Variants in KCNT2 observed in about 807,000 individuals in gnomAD.
The protein encoded by KCNT2 is potassium channel subfamily T member 2.
KCNT2 carries 67 observed loss-of-function variants against 153.8 expected under a neutral mutation model. That is an observed-to-expected ratio of 0.44 (90% CI 0.36 to 0.53). The LOEUF (loss-of-function observed/expected upper bound fraction) is 0.53. Ranked by LOEUF, KCNT2 falls within the 20% of genes least tolerant of loss-of-function variation. KCNT2 has a pLI of 0.00. For missense variants in KCNT2, 975 were observed against 1,354.8 expected (o/e 0.72, Z 4.40); for synonymous variants, 500 against 458.8 (o/e 1.09, Z -1.15).
At chr1:196,462,248 A>G (rs1677215696) in intron 8 of KCNT2, among the ~76,000 whole-genome samples, 1 of 151,642 alleles carries the variant, frequency 6.6e-6, no homozygotes, top group Non-Finnish European at 1.5e-5. Context: ...TTACACTAAG[A>G]TCAAATTTTA....
intron 14 of KCNT2, among the ~76,000 whole-genome samples, chr1:196,349,288 A>G (rs1017303456): frequency 6.6e-6 from 1 of 152,126 alleles, no homozygotes; most frequent in South Asian, 2.1e-4. Context: ...TCCCATTCCT[A>G]TCATTTAATA....
At chr1:196,263,425 G>C (rs1657215882) in intron 25 of KCNT2, among the ~76,000 whole-genome samples, 1 of 151,996 alleles carries the variant, frequency 6.6e-6, no homozygotes, top group Non-Finnish European at 1.5e-5. Flanking sequence ...TCATAATCGG[G>C]AGTTAAACAA....
At chr1:196,469,295 C>A (rs147737631) in intron 5 of KCNT2, among the ~76,000 whole-genome samples, 2 of 151,194 alleles carry the variant, frequency 1.3e-5, no homozygotes, top group South Asian at 4.1e-4. Context: ...TTGTAGAAAC[C>A]AGGAATATTG....
intron 8 of KCNT2, among the ~76,000 whole-genome samples, chr1:196,452,191 C>T (rs567515534): frequency 5.3e-5 from 8 of 152,042 alleles, no homozygotes; most frequent in Middle Eastern, 3.4e-3. Flanking sequence ...TTAAAAGGCA[C>T]GTAAAGCTTT....
chr1:196,368,578 G>A (rs1668237327), intron 14 of KCNT2, among the ~76,000 whole-genome samples: 1 of 152,068 alleles, frequency 6.6e-6, no homozygotes, highest in Admixed American at 6.6e-5. Flanking sequence ...AGTCCTCAGA[G>A]AACAGCCTCC....
chr1:196,282,317 G>A lies in KCNT2; in HGVS notation c.2737C>T (p.Leu913=), dbSNP rs780601767. 6 of 1,602,070 alleles carry A rather than the reference G, an allele frequency of 3.7e-6. No homozygotes were observed. In the Admixed American group the frequency reaches 1.0e-4, roughly 27 times the overall value. Residue 913 remains leucine, a synonymous_variant, in exon 24 of 28, where the codon CTG becomes TTG. Coordinates refer to ENST00000294725, the MANE Select transcript of KCNT2 (RefSeq NM_198503.5). The part of the protein sequence containing the change: ...KDYMISITRL[L]LGLDTTPGSG... Reference sequence around the variant, plus strand: ...CCTGGTGTAGTGTCCAGTCCCAACAGAAGTCTCGTGATAGAAATCATATAA... The same window carrying A: ...CCTGGTGTAGTGTCCAGTCCCAACAAAAGTCTCGTGATAGAAATCATATAA...
At chr1:196,300,380 T>C (rs961918659) in intron 22 of KCNT2, among the ~76,000 whole-genome samples, 10 of 152,198 alleles carry the variant, frequency 6.6e-5, no homozygotes, top group Admixed American at 5.2e-4. Flanking sequence ...CTCCAAAATA[T>C]GTCAGCTTGA....
At chr1:196,442,230 C>A (rs1675296653) in intron 8 of KCNT2, among the ~76,000 whole-genome samples, 1 of 151,778 alleles carries the variant, frequency 6.6e-6, no homozygotes, top group South Asian at 2.1e-4. Context: ...CAACCTGGTA[C>A]TTAATCACTT....
At chr1:196,329,596 T>C (rs2148088831) in intron 18 of KCNT2, among the ~76,000 whole-genome samples, 1 of 151,808 alleles carries the variant, frequency 6.6e-6, no homozygotes, top group South Asian at 2.1e-4. Flanking sequence ...CATATATTAT[T>C]TTAAGATTTA....
At chr1:196,342,393 G>T in intron 14 of KCNT2, 165 bp from the exon 15 acceptor site, 2 of 313,264 alleles carry the variant, frequency 6.4e-6, no homozygotes, top group Non-Finnish European at 1.1e-5. Context: ...GACATTATAT[G>T]CAAGAGTTTC....
chr1:196,366,150 T>C (rs1489563822), intron 14 of KCNT2, among the ~76,000 whole-genome samples: 6 of 151,806 alleles, frequency 4.0e-5, no homozygotes, highest in Non-Finnish European at 7.4e-5. Flanking sequence ...TATTTACTTA[T>C]TTATTTAATT....
At chr1:196,502,422 G>T (rs1680778753) in intron 1 of KCNT2, among the ~76,000 whole-genome samples, 1 of 152,084 alleles carries the variant, frequency 6.6e-6, no homozygotes, top group Non-Finnish European at 1.5e-5. Flanking sequence ...AAAGGGAACT[G>T]AGCTACTCAC....
At chr1:196,548,041 G>C (rs1657355794) in intron 1 of KCNT2, among the ~76,000 whole-genome samples, 1 of 151,716 alleles carries the variant, frequency 6.6e-6, no homozygotes, top group Non-Finnish European at 1.5e-5. Context: ...ATTTTATGGT[G>C]CTACTCATTA....
At chr1:196,472,650 G>A (rs1209614868) in intron 5 of KCNT2, among the ~76,000 whole-genome samples, 1 of 152,078 alleles carries the variant, frequency 6.6e-6, no homozygotes, top group Admixed American at 6.6e-5. Flanking sequence ...CTTATGATTT[G>A]TTCCCTGACT....
At chr1:196,464,005 T>A (rs979163654) in intron 8 of KCNT2, among the ~76,000 whole-genome samples, 1 of 151,910 alleles carries the variant, frequency 6.6e-6, no homozygotes, top group South Asian at 2.1e-4. Flanking sequence ...TTAGTAATCA[T>A]TAATTTTAGT....
At chr1:196,300,193 G>T (rs2147956817) in intron 22 of KCNT2, among the ~76,000 whole-genome samples, 1 of 152,320 alleles carries the variant, frequency 6.6e-6, no homozygotes, top group South Asian at 2.1e-4. Context: ...TGAGTGGAAA[G>T]ACAGGGGCTA....
At chr1:196,525,080 G>A (rs955066855) in intron 1 of KCNT2, among the ~76,000 whole-genome samples, 1 of 152,116 alleles carries the variant, frequency 6.6e-6, no homozygotes, top group Non-Finnish European at 1.5e-5. Context: ...CAGATTAGAT[G>A]TCAATGTCAT....
chr1:196,329,111 T>G (rs566251713), intron 18 of KCNT2, among the ~76,000 whole-genome samples: 2 of 152,102 alleles, frequency 1.3e-5, no homozygotes, highest in Non-Finnish European at 2.9e-5. Flanking sequence ...GAGAATTTAG[T>G]GTTCATGAAC....
At position 196,228,585 on chromosome 1, in the gene KCNT2, C is replaced by T. The variant is rs550799051; in HGVS notation, c.3297-250G>A. Among the ~76,000 whole-genome samples, 8 of 152,094 alleles carry T rather than the reference C, an allele frequency of 5.3e-5. No individual in the cohort carries two copies. The South Asian group carries it at 1.7e-3, about 32-fold the overall frequency. ...TGAATCAAGCACTATTATTTTTCTTCTTCATCTTTTTCCCTGTGCATGTTG... is the reference window on the plus strand; with the variant it reads ...TGAATCAAGCACTATTATTTTTCTTTTTCATCTTTTTCCCTGTGCATGTTG... On this transcript the variant is annotated intron_variant, in intron 27 of 27. Coordinates refer to ENST00000294725, the MANE Select transcript of KCNT2 (RefSeq NM_198503.5).
Sources: allele counts gnomAD v4.1 joint callset (sites outside exome capture counted in the v4.1 genomes callset), GRCh38; gene constraint gnomAD v4.1.1; transcripts MANE v1.5; gene names NCBI Gene and HGNC (gene_info 2026-07-23, HGNC 2026-07-21).